The following ZNF334 variants were observed in gnomAD, a reference collection of about 807,000 sequenced individuals.
The protein encoded by ZNF334 is zinc finger protein 334.
ZNF334 carries 14 observed loss-of-function variants against 12.4 expected under a neutral mutation model. The observed-to-expected ratio is 1.13, with a 90% CI of 0.74 to 1.76. ZNF334 has a LOEUF of 1.76. Among genes scored for constraint, ZNF334 ranks in the 40% most tolerant of loss-of-function variants. The pLI is 0.00. For synonymous variants in ZNF334, 273 were observed against 269.6 expected (o/e 1.01, Z -0.12); for missense variants, 797 against 804.5 (o/e 0.99, Z 0.11).
chr20:46,478,017 A>C, the ZNF334 span, among the ~76,000 whole-genome samples: 1 of 152,206 alleles, frequency 6.6e-6, no homozygotes, highest in Admixed American at 6.5e-5. Context: ...TGAGAAATTA[A>C]ATTATCTGAT....
At position 46,501,608 on chromosome 20, in the gene ZNF334, A is replaced by G; in HGVS notation, c.1731T>C (p.Cys577=). The G allele has an allele frequency of 6.2e-7, 1 of 1,614,164 alleles. No individual in the cohort carries two copies. Among genetic ancestry groups the G allele is most frequent in the Non-Finnish European group, 8.5e-7 (1 of 1,180,004 alleles). The change falls in exon 5 of 5, where the codon TGT becomes TGC. Residue 577 remains cysteine, a synonymous_variant. Transcript: ENST00000692313. Reference sequence around the variant, plus strand: ...AGAACTTCTGACAGAAGGTTTTCCCACATTCATTACACTCATAGGGTCTCT... The same window carrying G: ...AGAACTTCTGACAGAAGGTTTTCCCGCATTCATTACACTCATAGGGTCTCT... ...TGQRPYECNE[C]GKTFCQKFSF... is the part of the protein sequence containing the mutation.
chr20:46,502,678 T>C lies in ZNF334; in HGVS notation c.661A>G (p.Arg221Gly). 1 of 1,612,726 alleles carries C rather than the reference T, an allele frequency of 6.2e-7. No individual in the cohort carries two copies. Residue 221 changes from arginine to glycine, a missense_variant, in exon 5 of 5, where the codon AGG becomes GGG. Coordinates refer to ENST00000692313, the MANE Select transcript of ZNF334 (RefSeq NM_001353824.2). Reference protein sequence around the residue: ...YNKCGKTFFKRAILITQKGRQ... With the variant: ...YNKCGKTFFKGAILITQKGRQ... ...CCCTTTTGTGTAATGAGAATTGCCC[T>C]CTTGAAGAAGGTTTTCCCACATTTA...
Position 46,501,427 on chromosome 20 carries a change from G to C in ZNF334, c.1912C>G (p.Arg638Gly), listed in dbSNP as rs200306306. ...YECNQCGKTY[R>G]RLWTLTEHQK... Reference sequence around the variant, plus strand: ...TGTTCAGTGAGAGTCCACAGGCGACGGTAGGTTTTCCCACATTGATTACAT... The same window carrying C: ...TGTTCAGTGAGAGTCCACAGGCGACCGTAGGTTTTCCCACATTGATTACAT... The change falls in exon 5 of 5, where the codon CGT becomes GGT. Residue 638 changes from arginine (R) to glycine (G), a missense_variant. Physicochemically the swap from Arg to Gly is moderately radical, Grantham distance 125. Coordinates refer to ENST00000692313, the MANE Select transcript of ZNF334 (RefSeq NM_001353824.2). 1.4e-5 allele frequency: 23 copies of C among 1,613,606 alleles called. No individual in the cohort carries two copies. Among genetic ancestry groups the C allele is most frequent in the Non-Finnish European group, 2.5e-6 (3 of 1,179,922 alleles).
the ZNF334 span, among the ~76,000 whole-genome samples, chr20:46,479,166 A>G: frequency 6.6e-6 from 1 of 152,146 alleles, no homozygotes; most frequent in Admixed American, 6.5e-5. Flanking sequence ...GCTCTTTCTG[A>G]AGGCTCTAGG....
chr20:46,471,730 C>T, the ZNF334 span, among the ~76,000 whole-genome samples: 7 of 152,254 alleles, frequency 4.6e-5, no homozygotes, highest in South Asian at 8.3e-4. Context: ...TGCAGTATGG[C>T]TTTTTTCATA....
chr20:46,503,274 C>T (rs886906030), intron 4 of ZNF334, among the ~76,000 whole-genome samples, 177 bp from the exon 5 acceptor site: 1 of 151,800 alleles, frequency 6.6e-6, no homozygotes, highest in Non-Finnish European at 1.5e-5. Flanking sequence ...AATACAGAAA[C>T]AAAAAATACA....
At chr20:46,468,500 G>T in the ZNF334 span, among the ~76,000 whole-genome samples, 1 of 151,712 alleles carries the variant, frequency 6.6e-6, no homozygotes, top group South Asian at 2.1e-4. Context: ...GACCAGGCTG[G>T]TCTTGAACTC....
downstream of ZNF334, among the ~76,000 whole-genome samples, chr20:46,495,232 G>A (rs1163744980): frequency 4.0e-5 from 6 of 151,740 alleles, no homozygotes; most frequent in South Asian, 2.1e-4. Context: ...CTAACAGAGC[G>A]TTTGTGGATT....
the ZNF334 span, among the ~76,000 whole-genome samples, chr20:46,472,754 T>C: frequency 2.0e-5 from 3 of 152,188 alleles, no homozygotes; most frequent in African/African-American, 7.2e-5. Flanking sequence ...ACCAGAATAC[T>C]TGAGAGCAGT....
At chr20:46,496,845 G>C (rs1315698329), downstream of ZNF334, 1 of 152,190 alleles carries the variant, frequency 6.6e-6, no homozygotes, top group South Asian at 2.1e-4. Flanking sequence ...AACCTCTGTA[G>C]GACACCCACA....
chr20:46,504,753 G>C lies in ZNF334; in HGVS notation c.22-13C>G, dbSNP rs756322758. The C allele has an allele frequency of 6.3e-7, 1 of 1,592,344 alleles. No individual in the cohort carries two copies. The highest frequency in any genetic ancestry group is 1.4e-5 in the African/African-American group (1 of 73,936). ...ATGAAACTGGTATCTGAAAGAAAAT[G>C]TTTAATCTTGGGTGACCAAAATTGA... On this transcript the variant is annotated splice_polypyrimidine_tract_variant and intron_variant, in intron 2 of 4. Transcript: ENST00000692313.
downstream of ZNF334, among the ~76,000 whole-genome samples, chr20:46,495,875 C>T (rs917257574): frequency 3.9e-5 from 6 of 152,174 alleles, no homozygotes; most frequent in Non-Finnish European, 8.8e-5. Flanking sequence ...TAATCAAAGC[C>T]AATATCCAAA....
In ZNF334 at chr20:46,501,532, T is replaced by C. The variant is rs761947456; in HGVS notation, c.1807A>G (p.Asn603Asp). The C allele has an allele frequency of 6.2e-7, 1 of 1,614,182 alleles. No homozygotes were observed. The highest frequency in any genetic ancestry group is 1.7e-5 in the Admixed American group (1 of 60,034). Reference sequence around the variant, plus strand: ...TGGCAGAAGGATTTCCCACATTCATTACATTCATATGGTTTCTCCCCAGTG... The same window carrying C: ...TGGCAGAAGGATTTCCCACATTCATCACATTCATATGGTTTCTCCCCAGTG... ...THTGEKPYEC[N>D]ECGKSFCHKS... Residue 603 changes from asparagine (N) to aspartate (D), a missense_variant, in exon 5 of 5, where the codon AAT becomes GAT. Transcript: ENST00000692313.
chr20:46,475,942 G>A, the ZNF334 span, among the ~76,000 whole-genome samples: 5,252 of 152,188 alleles, frequency 0.035, 242 homozygotes, highest in African/African-American at 0.11. Flanking sequence ...AAAAACATAT[G>A]TTAGCACAAG....
At chr20:46,484,603 T>C in the ZNF334 span, 1 of 167,486 alleles carries the variant, frequency 6.0e-6, no homozygotes, top group Non-Finnish European at 1.5e-5. Context: ...GAAGGTCTTG[T>C]TAGTTCACAA....
chr20:46,485,696 T>C, the ZNF334 span: 1 of 152,056 alleles, frequency 6.6e-6, no homozygotes, highest in Non-Finnish European at 1.5e-5. Context: ...AAAAGCTGGG[T>C]TAGATGATGA....
rs1269252687 is a variant in ZNF334, at chr20:46,512,958, G to A, written c.-457C>T. ...ACAGAGGGTGGAGATGGTAGGGAAT[G>A]ACATGTATGTGTTTAGGAAGTGATG... On this transcript the variant is annotated 5_prime_UTR_variant, in exon 1 of 5. Coordinates refer to ENST00000692313, the MANE Select transcript of ZNF334 (RefSeq NM_001353824.2). 1 of 152,154 alleles carries A rather than the reference G, an allele frequency of 6.6e-6. No homozygotes were observed. The highest frequency in any genetic ancestry group is 1.5e-5 in the Non-Finnish European group (1 of 68,044). 9.4% of individuals were successfully genotyped at this position (152,154 alleles called of 1,614,324 possible).
At chr20:46,508,716 G>A (rs979710401) in intron 2 of ZNF334, among the ~76,000 whole-genome samples, 3 of 152,170 alleles carry the variant, frequency 2.0e-5, no homozygotes, top group African/African-American at 7.2e-5. Flanking sequence ...AGGAAGGATG[G>A]TAGAGACACT....
At chr20:46,473,697 C>A in the ZNF334 span, among the ~76,000 whole-genome samples, 1 of 152,198 alleles carries the variant, frequency 6.6e-6, no homozygotes, top group Admixed American at 6.5e-5. Flanking sequence ...ATTTATTCAT[C>A]AATGAACAAG....
Sources: gnomAD v4.1 joint callset for allele counts (sites outside exome capture counted in the v4.1 genomes callset) on GRCh38, gnomAD v4.1.1 for gene constraint, MANE v1.5 for transcripts, NCBI Gene and HGNC (gene_info 2026-07-23, HGNC 2026-07-21) for gene names.